The following PPP2R2B variants were observed in gnomAD, a reference collection of about 807,000 sequenced individuals.
The protein encoded by PPP2R2B is serine/threonine-protein phosphatase 2A 55 kDa regulatory subunit B beta isoform.
Under a neutral mutation model 46.0 loss-of-function variants are expected in PPP2R2B, and 5 were observed. That is an observed-to-expected ratio of 0.11 (90% CI 0.06 to 0.23). PPP2R2B has a LOEUF of 0.23. Among genes scored for constraint, PPP2R2B ranks in the 10% least tolerant of loss-of-function variants. The pLI is 1.00. For synonymous variants in PPP2R2B, 215 were observed against 206.7 expected (o/e 1.04, Z -0.34); for missense variants, 367 against 575.0 (o/e 0.64, Z 3.70).
At chr5:146,677,046 CTTTGTTGT>C (rs757217437) in intron 5 of PPP2R2B, among the ~76,000 whole-genome samples, 33,639 of 152,054 alleles carry the variant, frequency 0.22, 5,128 homozygotes, top group African/African-American at 0.42. Context: ...GAACTCCTAT[CTTTGTTGT>C]CTGCTTTGTC....
chr5:146,950,249 C>T (rs1450420748), intron 1 of PPP2R2B, among the ~76,000 whole-genome samples: 1 of 151,912 alleles, frequency 6.6e-6, no homozygotes, highest in African/African-American at 2.4e-5. Context: ...TATATACCTA[C>T]ATTTTACCTG....
chr5:146,727,624 A>T (rs1181159519), intron 2 of PPP2R2B, among the ~76,000 whole-genome samples: 2 of 152,270 alleles, frequency 1.3e-5, no homozygotes, highest in East Asian at 3.9e-4. Flanking sequence ...ACCACTATGC[A>T]ATAGATCCAT....
intron 1 of PPP2R2B, among the ~76,000 whole-genome samples, chr5:146,921,699 T>C (rs1230724010): frequency 1.3e-5 from 2 of 152,160 alleles, no homozygotes; most frequent in African/African-American, 4.8e-5. Context: ...TATCAGTTCA[T>C]CTCTGCTTCT....
intron 1 of PPP2R2B, among the ~76,000 whole-genome samples, chr5:147,036,521 G>A (rs1303511174): frequency 6.6e-6 from 1 of 152,084 alleles, no homozygotes; most frequent in Non-Finnish European, 1.5e-5. Context: ...ATTCATTTGG[G>A]TATATACCCA....
chr5:146,886,826 G>GT (rs1491150412), intron 1 of PPP2R2B, among the ~76,000 whole-genome samples: 3 of 146,922 alleles, frequency 2.0e-5, no homozygotes, highest in African/African-American at 7.6e-5. Context: ...AACTTTTTTA[G>GT]TAAAAAAAAA....
At chr5:146,687,591 T>C (rs989097150) in intron 5 of PPP2R2B, among the ~76,000 whole-genome samples, 2 of 152,180 alleles carry the variant, frequency 1.3e-5, no homozygotes, top group African/African-American at 4.8e-5. Flanking sequence ...ACGCTTGTAA[T>C]AGAAATGGTA....
intron 1 of PPP2R2B, among the ~76,000 whole-genome samples, chr5:146,921,444 C>T (rs1427380528): frequency 6.6e-6 from 1 of 152,164 alleles, no homozygotes; most frequent in Non-Finnish European, 1.5e-5. Context: ...GTGGAGACAT[C>T]CAGCAACTCG....
intron 1 of PPP2R2B, chr5:147,054,484 TAA>T (rs5872003): frequency 2.6e-5 from 9 of 344,272 alleles, no homozygotes; most frequent in South Asian, 4.6e-5. Flanking sequence ...TGTCCAACTG[TAA>T]AAAAAAAGTC....
intron 5 of PPP2R2B, among the ~76,000 whole-genome samples, chr5:146,664,712 T>C (rs1393043336): frequency 6.6e-6 from 1 of 152,152 alleles, no homozygotes; most frequent in African/African-American, 2.4e-5. Context: ...TCCCAGAAGA[T>C]GTTCAATTTA....
At chr5:146,767,537 CAT>C (rs1000571040) in intron 2 of PPP2R2B, among the ~76,000 whole-genome samples, 3 of 151,628 alleles carry the variant, frequency 2.0e-5, no homozygotes, top group Non-Finnish European at 2.9e-5. Context: ...TACACACATA[CAT>C]ACACACACAC....
chr5:146,634,813 C>G (rs1364521853), intron 7 of PPP2R2B, among the ~76,000 whole-genome samples: 1 of 151,982 alleles, frequency 6.6e-6, no homozygotes, highest in East Asian at 1.9e-4. Flanking sequence ...TCTGGAGAAC[C>G]CTAATACAGA....
At chr5:146,752,507 A>G (rs1753617812) in intron 2 of PPP2R2B, among the ~76,000 whole-genome samples, 2 of 152,212 alleles carry the variant, frequency 1.3e-5, no homozygotes, top group Admixed American at 1.3e-4. Context: ...TTCCCCACTG[A>G]AATGCAAGAC....
chr5:146,888,507 AC>A (rs1343799106), intron 1 of PPP2R2B, among the ~76,000 whole-genome samples: 1 of 151,824 alleles, frequency 6.6e-6, no homozygotes, highest in Non-Finnish European at 1.5e-5. Flanking sequence ...ATCCTCCTTC[AC>A]CCCCAACCCC....
At chr5:146,798,188 C>T (rs1369470989) in intron 2 of PPP2R2B, among the ~76,000 whole-genome samples, 2 of 152,088 alleles carry the variant, frequency 1.3e-5, no homozygotes, top group African/African-American at 4.8e-5. Context: ...GGCAAATTGG[C>T]CCTTTCCTTG....
intron 2 of PPP2R2B, among the ~76,000 whole-genome samples, chr5:146,712,444 T>C (rs559513750): frequency 1.3e-5 from 2 of 152,318 alleles, no homozygotes; most frequent in African/African-American, 4.8e-5. Flanking sequence ...CTTTAATAAA[T>C]ATTCATCAGG....
chr5:147,001,006 G>A (rs1306548105), intron 1 of PPP2R2B, among the ~76,000 whole-genome samples: 2 of 152,298 alleles, frequency 1.3e-5, no homozygotes, highest in East Asian at 3.9e-4. Flanking sequence ...GAGAGATGAA[G>A]CTGGCTGGGC....
At chr5:146,864,301 A>C (rs957515149) in intron 2 of PPP2R2B, among the ~76,000 whole-genome samples, 3 of 149,754 alleles carry the variant, frequency 2.0e-5, no homozygotes, top group African/African-American at 7.4e-5. Context: ...AGAAGACTAG[A>C]GATGTCTGGA....
chr5:146,781,130 T>TTATATATA (rs1172319293), intron 2 of PPP2R2B, among the ~76,000 whole-genome samples: 1 of 30,014 alleles, frequency 3.3e-5, no homozygotes, highest in Non-Finnish European at 7.0e-5. Context: ...AATGCCACCA[T>TTATATATA]GATATATATA....
intron 1 of PPP2R2B, among the ~76,000 whole-genome samples, chr5:146,991,253 TGAA>T (rs1753686904): frequency 6.6e-6 from 1 of 152,158 alleles, no homozygotes; most frequent in African/African-American, 2.4e-5. Context: ...ATCAGTATGT[TGAA>T]GAGACATCTG....
Sources: gnomAD v4.1 joint callset for allele counts (sites outside exome capture counted in the v4.1 genomes callset) on GRCh38, gnomAD v4.1.1 for gene constraint, MANE v1.5 for transcripts, NCBI Gene and HGNC (gene_info 2026-07-23, HGNC 2026-07-21) for gene names.